The following POU1F1 variants were observed in gnomAD, a reference collection of about 807,000 sequenced individuals.
POU1F1 encodes POU class 1 homeobox 1, also known as pituitary-specific positive transcription factor 1.
A neutral mutation model predicts 32.3 loss-of-function variants in POU1F1; 23 were observed. That is an observed-to-expected ratio of 0.71 (90% confidence interval 0.51 to 1.01). The LOEUF is 1.01. Among genes scored for constraint, POU1F1 ranks in the 50% least tolerant of loss-of-function variants. POU1F1 has a pLI of 0.00. For missense variants in POU1F1, 323 were observed against 341.6 expected (o/e 0.95, Z 0.43); for synonymous variants, 120 against 115.6 (o/e 1.04, Z -0.25).
chr3:87,275,928 C>T (rs892846774), intron 1 of POU1F1, among the ~76,000 whole-genome samples: 1 of 151,770 alleles, frequency 6.6e-6, no homozygotes, highest in African/African-American at 2.4e-5. Flanking sequence ...ATTTAACAAC[C>T]GAATAAACCT....
rs762701632 is a variant in POU1F1, at chr3:87,260,111, G to T, written c.666-7C>A. On this transcript the variant is annotated splice_region_variant and splice_polypyrimidine_tract_variant and intron_variant, in intron 5 of 5. Coordinates refer to ENST00000350375, the MANE Select transcript of POU1F1 (RefSeq NM_000306.4). Reference sequence around the variant, plus strand: ...AGCATCTTTAGCAGCAATGCTGGCGGGGGGTGGACATAGGGGGTGAAATTT... The same window carrying T: ...AGCATCTTTAGCAGCAATGCTGGCGTGGGGTGGACATAGGGGGTGAAATTT... The T allele has an allele frequency of 6.2e-7, 1 of 1,611,934 alleles. No individual in the cohort carries two copies. Among genetic ancestry groups the T allele is most frequent in the East Asian group, 2.2e-5 (1 of 44,772 alleles).
chr3:87,270,112 T>C (rs551211639), intron 2 of POU1F1, among the ~76,000 whole-genome samples: 51 of 152,274 alleles, frequency 3.3e-4, no homozygotes, highest in African/African-American at 1.2e-3. Context: ...AGGTTTTCTA[T>C]TATTTGTACT....
intron 5 of POU1F1, among the ~76,000 whole-genome samples, chr3:87,260,799 T>A (rs1706494552): frequency 1.3e-5 from 2 of 152,032 alleles, no homozygotes; most frequent in African/African-American, 4.8e-5. Context: ...CAATACATAA[T>A]TTTCCATCAA....
At chr3:87,273,717 T>C (rs1446353484) in intron 1 of POU1F1, among the ~76,000 whole-genome samples, 1 of 152,206 alleles carries the variant, frequency 6.6e-6, no homozygotes, top group Non-Finnish European at 1.5e-5. Flanking sequence ...GTGCTATGGC[T>C]ACGAGTGCCC....
At chr3:87,264,808 T>G (rs1706586343) in intron 2 of POU1F1, among the ~76,000 whole-genome samples, 1 of 152,124 alleles carries the variant, frequency 6.6e-6, no homozygotes, top group Admixed American at 6.6e-5. Flanking sequence ...GAAGCATACA[T>G]TTTCTATCAT....
intron 3 of POU1F1, among the ~76,000 whole-genome samples, chr3:87,262,556 GC>G (rs1471696960): frequency 1.3e-5 from 2 of 151,654 alleles, no homozygotes; most frequent in Non-Finnish European, 2.9e-5. Flanking sequence ...GAAAATTATG[GC>G]TTTTTTATCA....
intron 2 of POU1F1, among the ~76,000 whole-genome samples, chr3:87,270,023 G>C (rs1164597709): frequency 1.3e-5 from 2 of 152,080 alleles, no homozygotes; most frequent in African/African-American, 4.8e-5. Flanking sequence ...AAGAGTCAGA[G>C]TTTTGAGAAC....
At chr3:87,271,544 T>A (rs530720559) in intron 2 of POU1F1, among the ~76,000 whole-genome samples, 34 of 152,298 alleles carry the variant, frequency 2.2e-4, no homozygotes, top group African/African-American at 7.9e-4. Context: ...TTCCTCTAAA[T>A]GAACTGTAAG....
At chr3:87,271,181 G>A (rs1461927333) in intron 2 of POU1F1, among the ~76,000 whole-genome samples, 1 of 152,126 alleles carries the variant, frequency 6.6e-6, no homozygotes, top group African/African-American at 2.4e-5. Flanking sequence ...AAATGAGGAA[G>A]AGGTTCGTGG....
At chr3:87,268,133 G>T (rs544353076) in intron 2 of POU1F1, among the ~76,000 whole-genome samples, 166 of 131,340 alleles carry the variant, frequency 1.3e-3, no homozygotes, top group African/African-American at 4.3e-3. Context: ...TTGTTCCCTA[G>T]GCTGGAGTGC....
At chr3:87,262,947 T>C (rs1450279346) in intron 3 of POU1F1, among the ~76,000 whole-genome samples, 1 of 152,180 alleles carries the variant, frequency 6.6e-6, no homozygotes, top group Non-Finnish European at 1.5e-5. Context: ...TTCCTACTAC[T>C]GTGCTTATCA....
chr3:87,261,683 T>G (rs1706517217), intron 4 of POU1F1, among the ~76,000 whole-genome samples: 1 of 152,210 alleles, frequency 6.6e-6, no homozygotes, highest in Admixed American at 6.5e-5. Flanking sequence ...TTGCTTATAT[T>G]ATTTTCTTGG....
chr3:87,261,866 C>A (rs1477185764), intron 4 of POU1F1, among the ~76,000 whole-genome samples: 1 of 152,138 alleles, frequency 6.6e-6, no homozygotes. Flanking sequence ...ATTCTATCCT[C>A]AATAAATTTA....
At chr3:87,264,066 T>C (rs1706566050) in intron 3 of POU1F1, among the ~76,000 whole-genome samples, 1 of 152,038 alleles carries the variant, frequency 6.6e-6, no homozygotes, top group Non-Finnish European at 1.5e-5. Flanking sequence ...TTGAGGTAAG[T>C]TTTGAAAGAG....
chr3:87,264,623 C>T (rs1301943530), intron 2 of POU1F1, 111 bp from the exon 3 acceptor site: 8 of 818,242 alleles, frequency 9.8e-6, no homozygotes, highest in South Asian at 1.5e-5. Flanking sequence ...TAGCCTGTCT[C>T]AGTACTTACA....
intron 2 of POU1F1, 59 bp from the exon 3 acceptor site, chr3:87,264,571 T>C (rs1318224258): frequency 7.2e-7 from 1 of 1,381,846 alleles, no homozygotes. Flanking sequence ...CTTATTTCTA[T>C]ATAAGAAAGG....
chr3:87,264,838 C>T (rs924237651), intron 2 of POU1F1, among the ~76,000 whole-genome samples: 1 of 152,132 alleles, frequency 6.6e-6, no homozygotes, highest in African/African-American at 2.4e-5. Context: ...TTAAATGACA[C>T]CTATTCCTGG....
At chr3:87,272,527 A>G (rs1036327106) in intron 2 of POU1F1, among the ~76,000 whole-genome samples, 4 of 152,214 alleles carry the variant, frequency 2.6e-5, no homozygotes, top group Admixed American at 2.6e-4. Context: ...TTATGTGGCC[A>G]TGCCATGAAA....
At chr3:87,272,920 A>C (rs568713209) in intron 2 of POU1F1, among the ~76,000 whole-genome samples, 3 of 152,268 alleles carry the variant, frequency 2.0e-5, no homozygotes, top group African/African-American at 4.8e-5. Context: ...GTTATAGAGC[A>C]CTTGAAATGT....
Sources: allele counts gnomAD v4.1 joint callset (sites outside exome capture counted in the v4.1 genomes callset), GRCh38; gene constraint gnomAD v4.1.1; transcripts MANE v1.5; gene names NCBI Gene and HGNC (gene_info 2026-07-23, HGNC 2026-07-21).